The following ITGA8 variants were observed in gnomAD, a reference collection of about 807,000 sequenced individuals.
ITGA8 encodes integrin subunit alpha 8.
ITGA8 carries 91 observed loss-of-function variants against 142.3 expected under a neutral mutation model. That is an observed-to-expected ratio of 0.64 (90% CI 0.54 to 0.76). The LOEUF (loss-of-function observed/expected upper bound fraction) is 0.76, where lower values mean the gene tolerates loss of function less well. ITGA8 is among the 30% of genes least tolerant of loss of function. The pLI, the probability that ITGA8 is intolerant of heterozygous loss-of-function variation, is 0.00. For missense variants in ITGA8, 1,406 were observed against 1,327.7 expected (o/e 1.06, Z -0.92); for synonymous variants, 505 against 485.2 (o/e 1.04, Z -0.54).
At chr10:15,657,708 C>G (rs781581071) in intron 10 of ITGA8, among the ~76,000 whole-genome samples, 2 of 151,864 alleles carry the variant, frequency 1.3e-5, no homozygotes, top group Admixed American at 1.3e-4. Flanking sequence ...ATTTGTTTCT[C>G]CAGGCAATCG....
chr10:15,597,516 T>C (rs1399171912), intron 20 of ITGA8, among the ~76,000 whole-genome samples: 2 of 152,180 alleles, frequency 1.3e-5, no homozygotes, highest in Admixed American at 1.3e-4. Context: ...GGTAAGCATA[T>C]TTATTGTGTT....
At chr10:15,522,199 A>T (rs1833085302) in intron 28 of ITGA8, among the ~76,000 whole-genome samples, 1 of 152,238 alleles carries the variant, frequency 6.6e-6, no homozygotes, top group South Asian at 2.1e-4. Context: ...TCAAAATATC[A>T]CATGTACTCC....
intron 20 of ITGA8, among the ~76,000 whole-genome samples, chr10:15,598,170 C>T (rs888900904): frequency 6.6e-6 from 1 of 152,000 alleles, no homozygotes; most frequent in Non-Finnish European, 1.5e-5. Flanking sequence ...TATGTGCCAT[C>T]GATATATTAT....
intron 23 of ITGA8, among the ~76,000 whole-genome samples, chr10:15,581,010 C>A (rs1018965373): frequency 2.0e-5 from 3 of 152,226 alleles, no homozygotes; most frequent in African/African-American, 7.2e-5. Flanking sequence ...CCTTTGCCCT[C>A]AGCTTCTGGG....
chr10:15,718,567 C>T (rs1277871211), intron 2 of ITGA8, among the ~76,000 whole-genome samples, 199 bp downstream of exon 2: 2 of 152,214 alleles, frequency 1.3e-5, no homozygotes, highest in Non-Finnish European at 2.9e-5. Context: ...TGTCCTTTCT[C>T]TAGGGTTCAC....
chr10:15,643,929 T>G, intron 13 of ITGA8, 101 bp downstream of exon 13: 1 of 999,404 alleles, frequency 1.0e-6, no homozygotes, highest in Non-Finnish European at 1.5e-6. Flanking sequence ...AGCTTCAGCC[T>G]CATCTGTAGA....
At chr10:15,639,102 C>G (rs946398156) in intron 13 of ITGA8, among the ~76,000 whole-genome samples, 203 of 151,916 alleles carry the variant, frequency 1.3e-3, no homozygotes, top group African/African-American at 4.7e-3. Flanking sequence ...TGCACTCCAG[C>G]CTGGGTGACA....
chr10:15,570,979 T>A (rs564513385), intron 25 of ITGA8, among the ~76,000 whole-genome samples: 6 of 152,236 alleles, frequency 3.9e-5, no homozygotes, highest in Non-Finnish European at 5.9e-5. Flanking sequence ...TACATTTGCA[T>A]TTGCAGATGT....
At chr10:15,563,542 C>G (rs1158713850) in intron 25 of ITGA8, among the ~76,000 whole-genome samples, 1 of 152,170 alleles carries the variant, frequency 6.6e-6, no homozygotes, top group East Asian at 1.9e-4. Flanking sequence ...AAACAAGGGA[C>G]TGACTCTTTA....
chr10:15,622,597 CAAAACA>C (rs755031330), intron 13 of ITGA8, among the ~76,000 whole-genome samples: 37 of 79,568 alleles, frequency 4.7e-4, no homozygotes, highest in South Asian at 1.4e-3. Flanking sequence ...CAAAACAAAA[CAAAACA>C]AAAAAAAAAC....
Position 15,659,031 on chromosome 10 carries a change from T to G in ITGA8, c.916A>C (p.Met306Leu). Residue 306 changes from methionine (M) to leucine (L), a missense_variant, in exon 10 of 30, where the codon ATG becomes CTG. Physicochemically the swap from Met to Leu is conservative, Grantham distance 15. Transcript: ENST00000378076. ...CCCGTGAAATTCTGAATAAACGTCA[T>G]ATCCGTAGAGTTAATGATGGAAACC... ...GYVSIINSTD[M>L]TFIQNFTGEQ... is the part of the protein sequence containing the mutation. 1.2e-6 allele frequency: 2 copies of G among 1,608,168 alleles called. No homozygotes were observed. Among genetic ancestry groups the G allele is most frequent in the Non-Finnish European group, 1.7e-6 (2 of 1,176,130 alleles).
chr10:15,677,856 C>T (rs1834661117), intron 5 of ITGA8, among the ~76,000 whole-genome samples: 1 of 152,142 alleles, frequency 6.6e-6, no homozygotes, highest in African/African-American at 2.4e-5. Flanking sequence ...TTTAATTTGA[C>T]TCAATTAGGT....
intron 11 of ITGA8, among the ~76,000 whole-genome samples, chr10:15,653,733 G>T (rs1295619130): frequency 6.6e-6 from 1 of 152,136 alleles, no homozygotes; most frequent in African/African-American, 2.4e-5. Context: ...GAATGTCATA[G>T]AATTAGAATC....
intron 8 of ITGA8, among the ~76,000 whole-genome samples, chr10:15,664,111 T>G (rs1229324056): frequency 1.3e-5 from 2 of 152,176 alleles, no homozygotes; most frequent in Non-Finnish European, 2.9e-5. Flanking sequence ...AGAAGAATCT[T>G]AGGAGGTAGA....
In ITGA8 at chr10:15,647,011, G is replaced by T. The variant is rs747010112; in HGVS notation, c.1042C>A (p.Arg348Ser). The T allele has an allele frequency of 6.2e-7, 1 of 1,613,816 alleles. No homozygotes were observed. The highest frequency in any genetic ancestry group is 8.5e-7 in the Non-Finnish European group (1 of 1,180,016). The change falls in exon 12 of 30, where the codon CGT becomes AGT. Residue 348 changes from arginine to serine, a missense_variant. Transcript: ENST00000378076. The stretch of plus-strand genomic sequence containing the variant: ...TCTCTGGGGTTGCTCTCAAATTCAC[G>T]TTCCATAAAGAGAGGTGCCCCAACC... Reference protein sequence around the residue: ...VLVGAPLFMEREFESNPREVG... With the variant: ...VLVGAPLFMESEFESNPREVG...
Position 15,537,842 on chromosome 10 carries a change from G to T in ITGA8, c.2881-6691C>A, listed in dbSNP as rs560180790. 1.5e-4 allele frequency among the ~76,000 whole-genome samples: 23 copies of T among 152,234 alleles called. 1 individual carries two copies. The South Asian group carries it at 4.6e-3, about 30-fold the overall frequency. ...TGGATAAAAAGTAACAATTGGCTGG[G>T]CACAGTGTCTCATGCCTGTAATCCC... On this transcript the variant is annotated intron_variant, in intron 27 of 29. Coordinates refer to ENST00000378076, the MANE Select transcript of ITGA8 (RefSeq NM_003638.3).
intron 23 of ITGA8, among the ~76,000 whole-genome samples, chr10:15,578,668 G>C (rs1195894226): frequency 6.6e-6 from 1 of 152,066 alleles, no homozygotes; most frequent in Admixed American, 6.6e-5. Context: ...TGTATTGTAT[G>C]GAACAGTCTT....
chr10:15,711,155 T>C (rs1835356219), intron 2 of ITGA8, among the ~76,000 whole-genome samples: 1 of 152,214 alleles, frequency 6.6e-6, no homozygotes, highest in South Asian at 2.1e-4. Flanking sequence ...GAACAACATT[T>C]CATTGCATAG....
intron 21 of ITGA8, among the ~76,000 whole-genome samples, chr10:15,594,059 C>T (rs1300492795): frequency 6.6e-6 from 1 of 151,898 alleles, no homozygotes; most frequent in Non-Finnish European, 1.5e-5. Context: ...CCAGGCTGGT[C>T]TCATACTCCT....
Sources: gnomAD v4.1 joint callset for allele counts (sites outside exome capture counted in the v4.1 genomes callset) on GRCh38, gnomAD v4.1.1 for gene constraint, MANE v1.5 for transcripts, NCBI Gene and HGNC (gene_info 2026-07-23, HGNC 2026-07-21) for gene names.